The following PRH1 variants were observed in gnomAD, a reference collection of about 807,000 sequenced individuals.
The protein encoded by PRH1 is salivary acidic proline-rich phosphoprotein 1/2.
In PRH1, 7 loss-of-function variants were observed where a neutral mutation model predicts 7.9. The observed-to-expected ratio is 0.89, with a 90% confidence interval of 0.50 to 1.67. The LOEUF (loss-of-function observed/expected upper bound fraction) is 1.67. Ranked by LOEUF, PRH1 falls within the 40% of genes most tolerant of loss-of-function variation. PRH1 has a pLI of 0.00. For synonymous variants in PRH1, 45 were observed against 80.8 expected, an observed-to-expected ratio of 0.56 and a Z score of 2.38; for missense variants, 109 against 223.6, an observed-to-expected ratio of 0.49 and a Z score of 3.27.
chr12:10,976,341 A>T (rs1334693224), intron 1 of PRH1, among the ~76,000 whole-genome samples: 1 of 152,220 alleles, frequency 6.6e-6, no homozygotes, highest in East Asian at 1.9e-4. Flanking sequence ...ATATGAAATT[A>T]AGGCAGAAAC....
intron 1 of PRH1, among the ~76,000 whole-genome samples, chr12:11,154,713 T>C (rs34082341): frequency 0.45 from 69,191 of 152,084 alleles, 16,544 homozygotes; most frequent in Non-Finnish European, 0.52. Flanking sequence ...CAGTGGTTAT[T>C]TGATCCAGTA....
chr12:11,054,106 C>T (rs1943262643), intron 1 of PRH1, among the ~76,000 whole-genome samples: 2 of 152,208 alleles, frequency 1.3e-5, no homozygotes, highest in South Asian at 4.1e-4. Flanking sequence ...AACCATGAGC[C>T]ATGGTGCCTG....
Position 11,091,823 on chromosome 12 carries a change from G to C in PRH1, n.124-44635C>G, listed in dbSNP as rs1382305755. The C allele has an allele frequency of 5.3e-6, 8 of 1,505,868 alleles. 1 individual carries two copies. In the East Asian group the frequency reaches 1.6e-4, roughly 30 times the overall value. 93.3% of individuals were successfully genotyped at this position (1,505,868 alleles called of 1,614,324 possible). On this transcript the variant is annotated intron_variant and non_coding_transcript_variant, in intron 1 of 4. Transcript: ENST00000541977. The stretch of plus-strand genomic sequence containing the variant: ...AAGATGACAAGCCAAAAATAGCAAA[G>C]GCCCCAACAACATCACCAGAATGAC...
intron 1 of PRH1, among the ~76,000 whole-genome samples, chr12:10,990,464 G>A (rs1021057149): frequency 6.6e-6 from 1 of 152,210 alleles, no homozygotes; most frequent in Admixed American, 6.5e-5. Context: ...ACAAAGTCCA[G>A]TGTTGCTAGC....
At chr12:11,038,087 T>C (rs759724354) in intron 1 of PRH1, among the ~76,000 whole-genome samples, 1 of 152,256 alleles carries the variant, frequency 6.6e-6, no homozygotes, top group Admixed American at 6.5e-5. Context: ...GATTTCTTAG[T>C]ACCATAATGC....
At position 11,010,331 on chromosome 12, in the gene PRH1, G is replaced by A. The variant is rs1000136853; in HGVS notation, c.-125-36610C>T. 2.0e-5 allele frequency among the ~76,000 whole-genome samples: 3 copies of A among 151,774 alleles called. No individual in the cohort carries two copies. In the East Asian group the frequency reaches 5.8e-4, roughly 29 times the overall value. On this transcript the variant is annotated intron_variant, in intron 1 of 3. Transcript: ENST00000539853. ...TGATGATGTTGATGTCAGCTAAAAG[G>A]GACTATTTTATTCTGTAAATGTGAC...
chr12:11,018,264 G>T (rs181046913), intron 1 of PRH1, among the ~76,000 whole-genome samples: 38 of 152,328 alleles, frequency 2.5e-4, no homozygotes, highest in African/African-American at 7.9e-4. Context: ...AAATAAAAAT[G>T]CAAGTGCAGA....
chr12:11,171,065 C>G (rs117039418), intron 1 of PRH1, among the ~76,000 whole-genome samples: 2,361 of 152,374 alleles, frequency 0.015, 19 homozygotes, highest in South Asian at 0.031. Context: ...GTGGAACTAT[C>G]TGCATGGATG....
Position 11,061,816 on chromosome 12 carries a change from C to A in PRH1, n.124-14628G>T, listed in dbSNP as rs1426393186. On this transcript the variant is annotated intron_variant and non_coding_transcript_variant, in intron 1 of 4. Coordinates refer to the PRH1 transcript ENST00000541977. ...CAGTTTGATCTTCCAAGTCATGTTTCCTTCATATTCTTTTGTCCATATAAT... is the reference window on the plus strand; with the variant it reads ...CAGTTTGATCTTCCAAGTCATGTTTACTTCATATTCTTTTGTCCATATAAT... The A allele has an allele frequency of 3.1e-6, 5 of 1,614,060 alleles. No homozygotes were observed. The African/African-American group carries it at 6.7e-5, about 22-fold the overall frequency.
chr12:10,895,631 C>T (rs1178344092), intron 2 of PRH1: 2 of 152,112 alleles, frequency 1.3e-5, no homozygotes, highest in Non-Finnish European at 2.9e-5. Flanking sequence ...AATGTCAAAA[C>T]TTACTGCAAG....
chr12:10,912,882 T>C (rs1224698196), intron 2 of PRH1, among the ~76,000 whole-genome samples: 4 of 152,172 alleles, frequency 2.6e-5, no homozygotes, highest in Non-Finnish European at 5.9e-5. Context: ...AGCTTTGGGG[T>C]GCAGTGTTTC....
At chr12:10,949,586 A>G (rs1950538576) in intron 2 of PRH1, among the ~76,000 whole-genome samples, 1 of 152,220 alleles carries the variant, frequency 6.6e-6, no homozygotes, top group African/African-American at 2.4e-5. Context: ...AAACATGATA[A>G]TTATAATACC....
chr12:11,101,160 T>A (rs1945233092), intron 1 of PRH1, among the ~76,000 whole-genome samples: 1 of 152,138 alleles, frequency 6.6e-6, no homozygotes, highest in South Asian at 2.1e-4. Flanking sequence ...GATTAACAAT[T>A]CTTGCCTATC....
chr12:10,950,800 T>C (rs1950559014), intron 2 of PRH1, among the ~76,000 whole-genome samples: 1 of 152,060 alleles, frequency 6.6e-6, no homozygotes, highest in East Asian at 1.9e-4. Flanking sequence ...AAAATGATTA[T>C]ACATTTAATA....
chr12:11,022,282 C>T, intron 1 of PRH1: 1 of 1,614,140 alleles, frequency 6.2e-7, no homozygotes. Flanking sequence ...AGCAGCAAGC[C>T]ACATGCTGAA....
chr12:10,915,014 G>C (rs923665102), intron 2 of PRH1, among the ~76,000 whole-genome samples: 5 of 152,198 alleles, frequency 3.3e-5, no homozygotes, highest in Non-Finnish European at 5.9e-5. Flanking sequence ...TGTAGTCCCA[G>C]CTACTTGGGA....
intron 1 of PRH1, among the ~76,000 whole-genome samples, chr12:11,016,463 G>A (rs1475581630): frequency 1.3e-5 from 2 of 152,186 alleles, no homozygotes; most frequent in Non-Finnish European, 2.9e-5. Context: ...GGGACTACAG[G>A]TGAGTACCAC....
At chr12:10,886,336 T>C (rs1030382350), upstream of PRH1, among the ~76,000 whole-genome samples, 2 of 152,144 alleles carry the variant, frequency 1.3e-5, no homozygotes, top group Admixed American at 6.5e-5. Context: ...CTGAGGAAGC[T>C]GCAGGCCTGG....
chr12:10,961,382 C>T (rs2135933280), intron 2 of PRH1, among the ~76,000 whole-genome samples: 1 of 151,084 alleles, frequency 6.6e-6, no homozygotes, highest in Non-Finnish European at 1.5e-5. Context: ...AGGTTCATTG[C>T]TGCTAATACA....
Sources: gnomAD v4.1 joint callset for allele counts (sites outside exome capture counted in the v4.1 genomes callset) on GRCh38, gnomAD v4.1.1 for gene constraint, MANE v1.5 for transcripts, NCBI Gene and HGNC (gene_info 2026-07-23, HGNC 2026-07-21) for gene names.